The following KIF16B variants were observed in gnomAD, a reference collection of about 807,000 sequenced individuals.
KIF16B encodes the protein kinesin-like protein KIF16B.
Under a neutral mutation model 156.3 loss-of-function variants are expected in KIF16B, and 98 were observed. That is an observed-to-expected ratio of 0.63 (90% CI 0.53 to 0.74). The LOEUF (loss-of-function observed/expected upper bound fraction) is 0.74. KIF16B is among the 30% of genes least tolerant of loss of function. KIF16B has a pLI of 0.00. For synonymous variants in KIF16B, 564 were observed against 583.7 expected (o/e 0.97, Z 0.49); for missense variants, 1,421 against 1,606.5 (o/e 0.88, Z 1.97).
chr20:16,490,008 T>C (rs1222556740), intron 12 of KIF16B, among the ~76,000 whole-genome samples: 2 of 152,030 alleles, frequency 1.3e-5, no homozygotes, highest in African/African-American at 4.8e-5. Flanking sequence ...AGAGCATCAC[T>C]GGGACAGGAC....
At chr20:16,447,918 C>T (rs892821406) in intron 12 of KIF16B, among the ~76,000 whole-genome samples, 1 of 152,012 alleles carries the variant, frequency 6.6e-6, no homozygotes, top group African/African-American at 2.4e-5. Flanking sequence ...CTAGCCTGGG[C>T]AACACAGCAA....
At chr20:16,388,505 G>C (rs1392137989) in intron 17 of KIF16B, among the ~76,000 whole-genome samples, 1 of 152,050 alleles carries the variant, frequency 6.6e-6, no homozygotes, top group Non-Finnish European at 1.5e-5. Flanking sequence ...TTTCCCAAAT[G>C]TTATAATTAA....
Position 16,503,207 on chromosome 20 carries a change from T to C in KIF16B, c.1176+1165A>G, listed in dbSNP as rs184581906. Among the ~76,000 whole-genome samples the C allele has an allele frequency of 1.6e-3, 243 of 152,232 alleles. 1 individual carries two copies. The highest frequency in any genetic ancestry group is 2.9e-3 in the Non-Finnish European group (195 of 68,020). On this transcript the variant is annotated intron_variant, in intron 10 of 25. Coordinates refer to ENST00000354981, the MANE Select transcript of KIF16B (RefSeq NM_024704.5). ...GCCTGGGCAACACAGTGAGACTCTA[T>C]CTCAAAAAGAAAAGAAAAGAAAAAG...
intron 25 of KIF16B, among the ~76,000 whole-genome samples, chr20:16,277,574 C>T (rs1241138083): frequency 6.6e-6 from 1 of 151,704 alleles, no homozygotes; most frequent in East Asian, 1.9e-4. Context: ...GCATCTGTGG[C>T]TGAAGGGAGA....
At chr20:16,400,883 G>C (rs1280530543) in intron 17 of KIF16B, among the ~76,000 whole-genome samples, 1 of 152,156 alleles carries the variant, frequency 6.6e-6, no homozygotes, top group African/African-American at 2.4e-5. Context: ...TGAGTACAGA[G>C]TTTTAGTTTG....
intron 5 of KIF16B, 108 bp downstream of exon 5, chr20:16,512,718 T>C (rs374814202): frequency 1.6e-5 from 11 of 674,280 alleles, no homozygotes; most frequent in African/African-American, 1.4e-4. Flanking sequence ...GGGAAGACTT[T>C]TTCTTTAGGA....
intron 15 of KIF16B, among the ~76,000 whole-genome samples, chr20:16,420,742 A>T (rs2066205334): frequency 6.6e-6 from 1 of 152,056 alleles, no homozygotes; most frequent in African/African-American, 2.4e-5. Context: ...TCAATGGGCC[A>T]AATACAGTGA....
intron 6 of KIF16B, among the ~76,000 whole-genome samples, chr20:16,509,236 G>C (rs1882581046): frequency 7.2e-5 from 11 of 152,168 alleles, no homozygotes; most frequent in Admixed American, 7.2e-4. Flanking sequence ...TTTAACCATG[G>C]AGACTACAGC....
At chr20:16,440,990 A>T (rs1461289476) in intron 12 of KIF16B, among the ~76,000 whole-genome samples, 1 of 152,206 alleles carries the variant, frequency 6.6e-6, no homozygotes, top group Non-Finnish European at 1.5e-5. Context: ...AATATGCAAG[A>T]GCAAATTTCC....
intron 17 of KIF16B, among the ~76,000 whole-genome samples, chr20:16,397,678 G>C (rs764207439): frequency 6.6e-6 from 1 of 152,194 alleles, no homozygotes; most frequent in Non-Finnish European, 1.5e-5. Flanking sequence ...CAATTTTTCA[G>C]TCAATTGCAA....
intron 1 of KIF16B, among the ~76,000 whole-genome samples, chr20:16,570,981 T>A (rs2071429631): frequency 6.6e-6 from 1 of 152,246 alleles, no homozygotes; most frequent in East Asian, 1.9e-4. Flanking sequence ...TTCAGCTTTC[T>A]GCTGAACATC....
At position 16,517,747 on chromosome 20, in the gene KIF16B, T is replaced by C. The variant is rs1277240996; in HGVS notation, c.232-2083A>G. ...CTCATTTTCACCACTGTATATGGAATATGAGTAAAAATTAAATATTTCCCC... is the reference window on the plus strand; with the variant it reads ...CTCATTTTCACCACTGTATATGGAACATGAGTAAAAATTAAATATTTCCCC... On this transcript the variant is annotated intron_variant, in intron 3 of 25. Coordinates refer to ENST00000354981, the MANE Select transcript of KIF16B (RefSeq NM_024704.5). Among the ~76,000 whole-genome samples the C allele has an allele frequency of 2.0e-5, 3 of 152,156 alleles. No homozygotes were observed. The East Asian group carries it at 5.8e-4, about 29-fold the overall frequency.
At chr20:16,471,443 T>C (rs17740395) in intron 12 of KIF16B, among the ~76,000 whole-genome samples, 50,168 of 152,030 alleles carry the variant, frequency 0.33, 8,509 homozygotes, top group Non-Finnish European at 0.39. Flanking sequence ...TATGCCCCAA[T>C]GACATGATGG....
intron 12 of KIF16B, among the ~76,000 whole-genome samples, chr20:16,439,636 A>C (rs2066740285): frequency 6.6e-6 from 1 of 152,122 alleles, no homozygotes; most frequent in African/African-American, 2.4e-5. Context: ...CCATTTTTGC[A>C]CTGCTGACAA....
At chr20:16,278,835 T>G (rs1490901628) in intron 25 of KIF16B, among the ~76,000 whole-genome samples, 1 of 152,204 alleles carries the variant, frequency 6.6e-6, no homozygotes, top group African/African-American at 2.4e-5. Flanking sequence ...TCAGGTCCCC[T>G]CTGCTGAGCC....
chr20:16,501,378 C>T (rs955676795), intron 10 of KIF16B, among the ~76,000 whole-genome samples: 4 of 122,606 alleles, frequency 3.3e-5, no homozygotes, highest in African/African-American at 1.1e-4. Flanking sequence ...AAGAATTTAA[C>T]CGGCACTTCT....
At chr20:16,393,165 T>C (rs1476635961) in intron 17 of KIF16B, among the ~76,000 whole-genome samples, 1 of 152,232 alleles carries the variant, frequency 6.6e-6, no homozygotes, top group Non-Finnish European at 1.5e-5. Context: ...CACTTAAATA[T>C]ATGTACTTAA....
At chr20:16,410,094 CATATATATATAT>C (rs2065902335) in intron 15 of KIF16B, among the ~76,000 whole-genome samples, 1 of 67,342 alleles carries the variant, frequency 1.5e-5, no homozygotes, top group Non-Finnish European at 2.6e-5. Flanking sequence ...TATGTAGGTA[CATATATATATAT>C]GTAGGTACAT....
At chr20:16,477,712 A>G (rs1214042328) in intron 12 of KIF16B, among the ~76,000 whole-genome samples, 1 of 152,202 alleles carries the variant, frequency 6.6e-6, no homozygotes, top group Non-Finnish European at 1.5e-5. Flanking sequence ...TAAGATGAAG[A>G]AAGAACTCTA....
Sources: gnomAD v4.1 joint callset for allele counts (sites outside exome capture counted in the v4.1 genomes callset) on GRCh38, gnomAD v4.1.1 for gene constraint, MANE v1.5 for transcripts, NCBI Gene and HGNC (gene_info 2026-07-23, HGNC 2026-07-21) for gene names.